WDR3: variants seen among roughly 807,000 people sequenced by gnomAD.
WDR3 encodes the protein WD repeat domain 3, also known as WD repeat-containing protein 3.
Under a neutral mutation model 123.7 loss-of-function variants are expected in WDR3, and 81 were observed. The ratio of observed to expected loss-of-function variants is 0.65; its 90% CI spans 0.55 to 0.79. The LOEUF (loss-of-function observed/expected upper bound fraction) is 0.79, where lower values mean the gene tolerates loss of function less well. WDR3 is among the 30% of genes least tolerant of loss of function. The pLI, the probability that WDR3 is intolerant of heterozygous loss-of-function variation, is 0.00. For missense variants in WDR3, 1,027 were observed against 1,123.2 expected (o/e 0.91, Z 1.22); for synonymous variants, 390 against 388.8 (o/e 1.00, Z -0.04).
intron 10 of WDR3, among the ~76,000 whole-genome samples, chr1:117,942,948 G>A (rs973946209): frequency 1.4e-5 from 2 of 143,512 alleles, no homozygotes; most frequent in Non-Finnish European, 3.0e-5. Context: ...CTCAATACTC[G>A]GAGCACTCTT....
At chr1:117,932,932 C>T (rs911028476) in intron 1 of WDR3, among the ~76,000 whole-genome samples, 1 of 151,522 alleles carries the variant, frequency 6.6e-6, no homozygotes, top group Non-Finnish European at 1.5e-5. Flanking sequence ...CAGTGGCTAA[C>T]ACCTGTAATC....
intron 12 of WDR3, among the ~76,000 whole-genome samples, chr1:117,947,607 T>C (rs1172379870): frequency 6.6e-6 from 1 of 152,234 alleles, no homozygotes; most frequent in African/African-American, 2.4e-5. Flanking sequence ...GCAATTAATG[T>C]ACATTATCTC....
At chr1:117,937,584 T>C (rs972468212) in intron 4 of WDR3, among the ~76,000 whole-genome samples, 32 of 152,332 alleles carry the variant, frequency 2.1e-4, no homozygotes, top group Admixed American at 1.8e-3. Flanking sequence ...TGTAAGAGAA[T>C]GATTCTATAG....
At position 117,966,115 on chromosome 1, in the gene WDR3, T is replaced by C. The variant is rs1653812189; in HGVS notation, c.*6668T>C. ...TTTCTGCTACAAATTATATAATACC[T>C]TTTAAGACAGAGTCCAATTATCCAT... On this transcript the variant is annotated 3_prime_UTR_variant, in exon 27 of 27. Transcript: ENST00000349139. 1 of 152,302 alleles carries C rather than the reference T, an allele frequency of 6.6e-6. No homozygotes were observed. The highest frequency in any genetic ancestry group is 1.5e-5 in the Non-Finnish European group (1 of 68,126). The allele number at this position is 152,302 out of a possible 1,614,324, so 9.4% of individuals were successfully genotyped here. A position where few individuals can be genotyped will look rare whatever the true frequency, so the allele number is the denominator to read the frequency against.
At chr1:117,958,038 C>A (rs867029231) in intron 25 of WDR3, among the ~76,000 whole-genome samples, 2 of 152,196 alleles carry the variant, frequency 1.3e-5, no homozygotes, top group Admixed American at 6.5e-5. Context: ...TTCTTCTCAT[C>A]TCTCACCCTC....
At chr1:117,937,178 A>G (rs1424799993) in intron 4 of WDR3, among the ~76,000 whole-genome samples, 1 of 152,142 alleles carries the variant, frequency 6.6e-6, no homozygotes, top group Non-Finnish European at 1.5e-5. Context: ...TCTACCTTCT[A>G]GATCTCTAGA....
In WDR3 at chr1:117,954,576, AT is replaced by A; in HGVS notation, c.2362-3del. On this transcript the variant is annotated splice_region_variant and splice_polypyrimidine_tract_variant and intron_variant, in intron 22 of 26. Coordinates refer to ENST00000349139, the MANE Select transcript of WDR3 (RefSeq NM_006784.3). The stretch of plus-strand genomic sequence containing the variant: ...AATGACTTGATTTAATAATTTCTTC[AT>A]AGGTTCCACTTCCCAGCAACCCCAT... 8 of 1,612,462 alleles carry A rather than the reference AT, an allele frequency of 5.0e-6. No individual in the cohort carries two copies. Among genetic ancestry groups the A allele is most frequent in the Non-Finnish European group, 6.8e-6 (8 of 1,179,032 alleles).
At chr1:117,955,257 G>T in intron 23 of WDR3, 58 bp from the exon 24 acceptor site, 1 of 1,450,698 alleles carries the variant, frequency 6.9e-7, no homozygotes, top group South Asian at 1.2e-5. Context: ...AGAAATTAGA[G>T]AACTTTAGTA....
intron 24 of WDR3, among the ~76,000 whole-genome samples, chr1:117,955,919 C>T (rs1051900726): frequency 1.3e-5 from 2 of 152,122 alleles, no homozygotes; most frequent in Non-Finnish European, 2.9e-5. Context: ...TCTTAAGAGT[C>T]CTAGCAGCCT....
At chr1:117,930,211 G>A (rs999656915) in intron 1 of WDR3, among the ~76,000 whole-genome samples, 18 of 152,228 alleles carry the variant, frequency 1.2e-4, no homozygotes, top group African/African-American at 4.1e-4. Context: ...TCGGAAGAAG[G>A]TTTGGTCGTG....
intron 12 of WDR3, among the ~76,000 whole-genome samples, chr1:117,946,963 G>T (rs1214060746): frequency 2.2e-5 from 3 of 134,374 alleles, no homozygotes; most frequent in Non-Finnish European, 3.2e-5. Context: ...AAAAAAAAAT[G>T]AGTAATTTGG....
Position 117,958,891 on chromosome 1 carries a change from T to A in WDR3, c.2583-19T>A. On this transcript the variant is annotated intron_variant, in intron 25 of 26. Coordinates refer to ENST00000349139, the MANE Select transcript of WDR3 (RefSeq NM_006784.3). ...CTAGAACCTCTCTGCAACATGGCTG[T>A]GTTTTGTTTTTCTATCAGGATTCAC... 1 of 1,609,436 alleles carries A rather than the reference T, an allele frequency of 6.2e-7. No homozygotes were observed. The highest frequency in any genetic ancestry group is 8.5e-7 in the Non-Finnish European group (1 of 1,176,416).
intron 21 of WDR3, 121 bp downstream of exon 21, chr1:117,953,662 A>T (rs1651757477): frequency 1.1e-6 from 1 of 888,154 alleles, no homozygotes; most frequent in Non-Finnish European, 1.7e-6. Flanking sequence ...AGATTTAAAG[A>T]TGGGGATTAT....
rs760296489 is a variant in WDR3 at position 117,957,103 on chromosome 1, C to T, written c.2489C>T (p.Ser830Phe). The T allele has an allele frequency of 1.9e-6, 3 of 1,607,064 alleles. No individual in the cohort carries two copies. The highest frequency in any genetic ancestry group is 1.3e-5 in the African/African-American group (1 of 74,620). Residue 830 changes from serine to phenylalanine, a missense_variant, in exon 25 of 27, where the codon TCT (serine) becomes TTT (phenylalanine). By Grantham distance (155) the Ser-to-Phe change is radical (BLOSUM62 -2). Coordinates refer to ENST00000349139, the MANE Select transcript of WDR3 (RefSeq NM_006784.3). The part of the protein sequence containing the change: ...LEESLLVLPF[S>F]YVPDILKLFN... ...GAATCTCTACTTGTGCTGCCTTTCT[C>T]TTATGTCCCAGACATTCTTAAACTC...
At position 117,943,502 on chromosome 1, in the gene WDR3, C is replaced by G. The variant is rs1415693157; in HGVS notation, c.1204C>G (p.Gln402Glu). 3.1e-6 allele frequency: 5 copies of G among 1,614,142 alleles called. No homozygotes were observed. The highest frequency in any genetic ancestry group is 4.2e-6 in the Non-Finnish European group (5 of 1,180,040). ...ACTGAATCCATCCTTGCCTACTCCT[C>G]AGCCTGTCAGGACAAGCAGAATCAC... Reference protein sequence around the residue: ...YSLNPSLPTPQPVRTSRITIG... With the variant: ...YSLNPSLPTPEPVRTSRITIG... Residue 402 changes from glutamine to glutamate, a missense_variant, in exon 11 of 27, where the codon CAG (glutamine) becomes GAG (glutamate). Gln to Glu is a conservative substitution (Grantham distance 29). Coordinates refer to ENST00000349139, the MANE Select transcript of WDR3 (RefSeq NM_006784.3).
intron 4 of WDR3, among the ~76,000 whole-genome samples, chr1:117,937,406 G>A (rs1408022844): frequency 6.6e-6 from 1 of 152,106 alleles, no homozygotes; most frequent in Non-Finnish European, 1.5e-5. Flanking sequence ...CCTAAAGAAT[G>A]GCCACCTAGG....
In WDR3 at chr1:117,952,354, T is replaced by C; in HGVS notation, c.1962T>C (p.Asp654=). 1 of 1,613,462 alleles carries C rather than the reference T, an allele frequency of 6.2e-7. No individual in the cohort carries two copies. The highest frequency in any genetic ancestry group is 1.3e-5 in the African/African-American group (1 of 75,028). The change falls in exon 18 of 27, where the codon GAT becomes GAC. Residue 654 remains aspartate, a synonymous_variant. Coordinates refer to ENST00000349139, the MANE Select transcript of WDR3 (RefSeq NM_006784.3). ...ACCTCTTCTTCACTGCCGGAAAAGA[T>C]CATAAGATTAAACAGTGGGATGCAG... ...KSHLFFTAGK[D]HKIKQWDADK...
rs1553209638 is a variant in WDR3, at chr1:117,963,855, T to C, written c.*4408T>C. ...ACTCCAAGTGTGGAGGAATAAATTG[T>C]AGAAGTTCTCTGGACCATTGGATTT... On this transcript the variant is annotated 3_prime_UTR_variant, in exon 27 of 27. Coordinates refer to ENST00000349139, the MANE Select transcript of WDR3 (RefSeq NM_006784.3). 3.7e-6 allele frequency: 6 copies of C among 1,614,018 alleles called. No homozygotes were observed. In the South Asian group the frequency reaches 4.4e-5, roughly 12 times the overall value.
chr1:117,961,610 TTG>T lies in WDR3; in HGVS notation c.*2166_*2167del, dbSNP rs1653109779. Reference sequence around the variant, plus strand: ...TGGTCATTGCAACCAAGTTACTGTGTTGTGGGGCCACCATTTTCTTCTAGGCT... The same window carrying T: ...TGGTCATTGCAACCAAGTTACTGTGTTGGGGCCACCATTTTCTTCTAGGCT... On this transcript the variant is annotated 3_prime_UTR_variant, in exon 27 of 27. Coordinates refer to ENST00000349139, the MANE Select transcript of WDR3 (RefSeq NM_006784.3). 1 of 152,228 alleles carries T rather than the reference TTG, an allele frequency of 6.6e-6. No individual in the cohort carries two copies. The highest frequency in any genetic ancestry group is 2.1e-4 in the South Asian group (1 of 4,830). 9.4% of individuals were successfully genotyped at this position (152,228 alleles called of 1,614,324 possible). A position where few individuals can be genotyped will look rare whatever the true frequency, so the allele number is the denominator to read the frequency against.
Sources: gnomAD v4.1 joint callset for allele counts (sites outside exome capture counted in the v4.1 genomes callset) on GRCh38, gnomAD v4.1.1 for gene constraint, MANE v1.5 for transcripts, NCBI Gene and HGNC (gene_info 2026-07-23, HGNC 2026-07-21) for gene names.